SAMD12: variants seen among roughly 807,000 people sequenced by gnomAD.
SAMD12 encodes sterile alpha motif domain containing 12.
A neutral mutation model predicts 15.0 loss-of-function variants in SAMD12; 9 were observed. The ratio of observed to expected loss-of-function variants is 0.60; its 90% CI spans 0.36 to 1.05. The LOEUF (loss-of-function observed/expected upper bound fraction) is 1.05, where lower values mean the gene tolerates loss of function less well. SAMD12 is among the 50% of genes least tolerant of loss of function. SAMD12 has a pLI of 0.01. For missense variants in SAMD12, 230 were observed against 234.2 expected, an observed-to-expected ratio of 0.98 and a Z score of 0.12; for synonymous variants, 86 against 90.1, an observed-to-expected ratio of 0.96 and a Z score of 0.25.
chr8:118,565,977 C>CA (rs1407414688), intron 2 of SAMD12, among the ~76,000 whole-genome samples: 1 of 152,286 alleles, frequency 6.6e-6, no homozygotes, highest in Admixed American at 6.5e-5. Context: ...GTGTAAGCTA[C>CA]AAAAAAATCC....
At chr8:118,446,355 T>A (rs1317252343) in intron 2 of SAMD12, among the ~76,000 whole-genome samples, 2 of 152,110 alleles carry the variant, frequency 1.3e-5, no homozygotes, top group Non-Finnish European at 2.9e-5. Flanking sequence ...AGTTAGTGGG[T>A]TCAAGTTTAA....
At chr8:118,278,719 C>T (rs1328976970) in intron 4 of SAMD12, among the ~76,000 whole-genome samples, 1 of 152,146 alleles carries the variant, frequency 6.6e-6, no homozygotes, top group African/African-American at 2.4e-5. Flanking sequence ...GTTTGCATGA[C>T]TAAAATTAAA....
chr8:118,465,318 T>C (rs952459217), intron 2 of SAMD12, among the ~76,000 whole-genome samples: 1 of 151,244 alleles, frequency 6.6e-6, no homozygotes, highest in African/African-American at 2.4e-5. Flanking sequence ...ATTACTCAAC[T>C]TTTTTTTTGC....
chr8:118,582,704 G>C (rs760489938), intron 1 of SAMD12, among the ~76,000 whole-genome samples: 14 of 152,102 alleles, frequency 9.2e-5, no homozygotes, highest in Non-Finnish European at 5.9e-5. Flanking sequence ...GTTCACAAAA[G>C]GGCATACTAT....
chr8:118,505,786 A>T (rs1824904880), intron 2 of SAMD12, among the ~76,000 whole-genome samples: 1 of 152,030 alleles, frequency 6.6e-6, no homozygotes, highest in Admixed American at 6.6e-5. Flanking sequence ...GAAAAGCAGA[A>T]TGCTTTTTGT....
intron 2 of SAMD12, among the ~76,000 whole-genome samples, chr8:118,558,138 C>G (rs1049960867): frequency 6.6e-6 from 1 of 152,146 alleles, no homozygotes; most frequent in Non-Finnish European, 1.5e-5. Flanking sequence ...CAAGTGGGAT[C>G]TCTAGGTTAT....
chr8:118,221,727 G>A (rs773003835), intron 4 of SAMD12, among the ~76,000 whole-genome samples: 23 of 152,282 alleles, frequency 1.5e-4, no homozygotes, highest in Non-Finnish European at 2.8e-4. Flanking sequence ...GGTGTGCCAC[G>A]GTCATAGTTA....
At chr8:118,309,227 G>A (rs930473367) in intron 4 of SAMD12, among the ~76,000 whole-genome samples, 6 of 152,258 alleles carry the variant, frequency 3.9e-5, no homozygotes, top group African/African-American at 1.4e-4. Flanking sequence ...CCACTTATGA[G>A]TGAGAACATA....
chr8:118,504,927 C>T (rs1824882163), intron 2 of SAMD12, among the ~76,000 whole-genome samples: 1 of 152,178 alleles, frequency 6.6e-6, no homozygotes, highest in Non-Finnish European at 1.5e-5. Context: ...CATTCTCTTA[C>T]AGCTGGTGTG....
the SAMD12 span, among the ~76,000 whole-genome samples, chr8:118,165,416 G>C: frequency 6.6e-6 from 1 of 151,728 alleles, no homozygotes; most frequent in African/African-American, 2.4e-5. Context: ...AGCAAACTGG[G>C]AGCTAATTTT....
intron 3 of SAMD12, among the ~76,000 whole-genome samples, chr8:118,403,761 G>A (rs1262498101): frequency 6.6e-6 from 1 of 152,136 alleles, no homozygotes; most frequent in Non-Finnish European, 1.5e-5. Flanking sequence ...ACAATGAAGT[G>A]CACCAGAGAA....
chr8:118,607,428 G>A (rs554213011), intron 1 of SAMD12, among the ~76,000 whole-genome samples: 1 of 152,244 alleles, frequency 6.6e-6, no homozygotes, highest in South Asian at 2.1e-4. Context: ...TAGAGACGGG[G>A]TTTCTCCATG....
intron 4 of SAMD12, among the ~76,000 whole-genome samples, chr8:118,228,620 C>A (rs567759931): frequency 3.0e-5 from 4 of 133,248 alleles, no homozygotes; most frequent in South Asian, 2.3e-4. Context: ...TGGCCATAAT[C>A]AAAAAATCAA....
chr8:118,548,409 A>ACG (rs1385845279), intron 2 of SAMD12, among the ~76,000 whole-genome samples: 1 of 151,022 alleles, frequency 6.6e-6, no homozygotes, highest in Middle Eastern at 3.4e-3. Context: ...ACACACACAC[A>ACG]CACACACACA....
At chr8:118,312,168 C>T in intron 4 of SAMD12, among the ~76,000 whole-genome samples, 1 of 151,230 alleles carries the variant, frequency 6.6e-6, no homozygotes, top group East Asian at 2.0e-4. Flanking sequence ...GAGGTCTCTC[C>T]CTTTCCCTAC....
At chr8:118,139,215 T>TACAA in the SAMD12 span, among the ~76,000 whole-genome samples, 1 of 140,374 alleles carries the variant, frequency 7.1e-6, no homozygotes, top group Non-Finnish European at 1.6e-5. Flanking sequence ...TGGCAGACAT[T>TACAA]AAAAAAAAAA....
At chr8:118,350,101 T>TG (rs917755005) in intron 4 of SAMD12, among the ~76,000 whole-genome samples, 2 of 152,084 alleles carry the variant, frequency 1.3e-5, no homozygotes, top group Non-Finnish European at 2.9e-5. Flanking sequence ...AGCAACAGAG[T>TG]GAGACTCTGG....
chr8:118,138,093 G>A, the SAMD12 span, among the ~76,000 whole-genome samples: 1 of 152,156 alleles, frequency 6.6e-6, no homozygotes, highest in Non-Finnish European at 1.5e-5. Context: ...GGCAGAGGGT[G>A]AGACTGAAAG....
downstream of SAMD12, among the ~76,000 whole-genome samples, chr8:118,189,023 A>G (rs533709323): frequency 6.6e-6 from 1 of 152,264 alleles, no homozygotes; most frequent in Non-Finnish European, 1.5e-5. Context: ...ACCATCAATC[A>G]TACTATTATT....
Sources: allele counts gnomAD v4.1 joint callset (sites outside exome capture counted in the v4.1 genomes callset), GRCh38; gene constraint gnomAD v4.1.1; transcripts MANE v1.5; gene names NCBI Gene and HGNC (gene_info 2026-07-23, HGNC 2026-07-21).